DOP1A: variants seen among roughly 807,000 people sequenced by gnomAD.
DOP1A encodes the protein DOP1 leucine zipper like protein A.
A neutral mutation model predicts 267.6 loss-of-function variants in DOP1A; 90 were observed. The observed-to-expected ratio is 0.34, with a 90% CI of 0.28 to 0.40. The LOEUF (loss-of-function observed/expected upper bound fraction) is 0.40. DOP1A is among the 10% of genes least tolerant of loss of function. DOP1A has a pLI of 1.00. For synonymous variants in DOP1A, 932 were observed against 999.1 expected (o/e 0.93, Z 1.27); for missense variants, 2,437 against 2,900.4 (o/e 0.84, Z 3.67).
At chr6:83,137,117 A>T in intron 20 of DOP1A, 56 bp from the exon 21 acceptor site, 1 of 1,430,876 alleles carries the variant, frequency 7.0e-7, no homozygotes. Context: ...TCTACATTTC[A>T]ATTATTTTAA....
chr6:83,153,148 T>C (rs1358743306), intron 30 of DOP1A, among the ~76,000 whole-genome samples: 1 of 130,510 alleles, frequency 7.7e-6, no homozygotes, highest in African/African-American at 3.6e-5. Context: ...CCCAGTTCAA[T>C]TGTTTGTTTT....
chr6:83,084,677 G>A (rs1056190552), intron 1 of DOP1A, among the ~76,000 whole-genome samples: 1 of 152,028 alleles, frequency 6.6e-6, no homozygotes, highest in Non-Finnish European at 1.5e-5. Context: ...CTACCTCCTG[G>A]GTTCAAGCGA....
At chr6:83,098,411 T>G (rs1276482018) in intron 3 of DOP1A, among the ~76,000 whole-genome samples, 1 of 152,194 alleles carries the variant, frequency 6.6e-6, no homozygotes, top group Non-Finnish European at 1.5e-5. Flanking sequence ...TTGGACACTA[T>G]CTACCTGGAG....
intron 1 of DOP1A, among the ~76,000 whole-genome samples, chr6:83,080,063 T>C (rs1767819175): frequency 6.6e-6 from 1 of 152,120 alleles, no homozygotes; most frequent in Admixed American, 6.5e-5. Context: ...CTAGATAATT[T>C]AGATGTTCTT....
At chr6:83,120,599 G>A in intron 9 of DOP1A, 84 bp from the exon 10 acceptor site, 1 of 1,139,078 alleles carries the variant, frequency 8.8e-7, no homozygotes, top group East Asian at 2.6e-5. Context: ...GTTATATATG[G>A]TTGCATTTAA....
chr6:83,135,973 A>T, intron 20 of DOP1A, 95 bp downstream of exon 20: 1 of 1,409,820 alleles, frequency 7.1e-7, no homozygotes, highest in Non-Finnish European at 9.5e-7. Flanking sequence ...ACTGCATGTG[A>T]GATTTTCTCC....
At chr6:83,113,480 T>C in intron 7 of DOP1A, 59 bp downstream of exon 7, 4 of 1,371,770 alleles carry the variant, frequency 2.9e-6, no homozygotes, top group African/African-American at 1.4e-5. Context: ...AGATTGATAA[T>C]GTGTAGTTAT....
At chr6:83,115,622 G>A (rs1013031495) in intron 7 of DOP1A, among the ~76,000 whole-genome samples, 6 of 152,164 alleles carry the variant, frequency 3.9e-5, no homozygotes, top group Non-Finnish European at 8.8e-5. Flanking sequence ...TACTCGGGAG[G>A]CTGAGGCAGG....
chr6:83,141,994 T>C lies in DOP1A; in HGVS notation c.5489T>C (p.Ile1830Thr). Residue 1830 changes from isoleucine (I) to threonine (T), a missense_variant, in exon 24 of 39, where the codon ATT becomes ACT. This residue lies in a region of DOP1A where 307 missense variants were observed against 308.6 expected (regional missense o/e 0.99). Transcript: ENST00000349129. ...MNHGVHFMAA[I>T]AFVWNERRQN... is the part of the protein sequence containing the mutation. ...CATGGTGTTCACTTTATGGCTGCCA[T>C]TGCATTTGTGTGGAATGAAAGAAGA... The C allele has an allele frequency of 1.2e-6, 2 of 1,613,134 alleles. No individual in the cohort carries two copies. The highest frequency in any genetic ancestry group is 1.7e-6 in the Non-Finnish European group (2 of 1,179,620).
At chr6:83,106,181 T>C (rs903888953) in intron 4 of DOP1A, among the ~76,000 whole-genome samples, 1 of 152,224 alleles carries the variant, frequency 6.6e-6, no homozygotes, top group Non-Finnish European at 1.5e-5. Context: ...TAGAATACCA[T>C]ATTGCCTCTT....
intron 38 of DOP1A, chr6:83,165,781 G>T: frequency 3.6e-6 from 1 of 275,020 alleles, no homozygotes; most frequent in Non-Finnish European, 7.4e-6. Flanking sequence ...GCAACGTGCG[G>T]CCCAGTGTTG....
chr6:83,135,514 C>A, intron 19 of DOP1A, 105 bp from the exon 20 acceptor site: 2 of 1,259,026 alleles, frequency 1.6e-6, no homozygotes, highest in South Asian at 1.6e-5. Flanking sequence ...ATGACTACTT[C>A]AAAATAGTTA....
At chr6:83,071,411 T>A (rs1284583362) in intron 1 of DOP1A, among the ~76,000 whole-genome samples, 1 of 152,128 alleles carries the variant, frequency 6.6e-6, no homozygotes. Flanking sequence ...TTCGCCATGT[T>A]GGTCACGCTG....
In DOP1A at chr6:83,152,155, T is replaced by C. The variant is rs2128334737; in HGVS notation, c.6049+128T>C. On this transcript the variant is annotated intron_variant, in intron 29 of 38. Transcript: ENST00000349129. ...CTCATGTCTAACAAGTAACTTTTTT[T>C]CAGTGGGAAAAATATATATATACAT... 12 of 1,048,668 alleles carry C rather than the reference T, an allele frequency of 1.1e-5. No homozygotes were observed. In the South Asian group the frequency reaches 1.7e-4, roughly 15 times the overall value. The allele number at this position is 1,048,668 out of a possible 1,614,324, so 65.0% of individuals were successfully genotyped here.
chr6:83,154,674 G>A (rs1782387573), intron 33 of DOP1A, among the ~76,000 whole-genome samples: 1 of 152,134 alleles, frequency 6.6e-6, no homozygotes, highest in African/African-American at 2.4e-5. Context: ...AATCTCTGGG[G>A]CTCTGTTTAT....
chr6:83,148,681 A>T, intron 26 of DOP1A, 78 bp from the exon 27 acceptor site: 1 of 975,824 alleles, frequency 1.0e-6, no homozygotes, highest in Non-Finnish European at 1.5e-6. Context: ...TTGTCTATAA[A>T]AATTTAGAGA....
chr6:83,160,910 T>C (rs567549003), intron 37 of DOP1A, among the ~76,000 whole-genome samples: 3 of 152,262 alleles, frequency 2.0e-5, no homozygotes, highest in African/African-American at 7.2e-5. Context: ...AACTTAATGG[T>C]AAGAACTAGA....
At chr6:83,132,052 C>G (rs681512) in intron 17 of DOP1A, 124 bp from the exon 18 acceptor site, 259,408 of 1,114,770 alleles carry the variant, frequency 0.23, 31,063 homozygotes, top group Non-Finnish European at 0.24. Context: ...CATCCCCATG[C>G]AGTAGAATAT....
chr6:83,117,439 G>A (rs752417943), intron 7 of DOP1A, among the ~76,000 whole-genome samples: 6 of 151,936 alleles, frequency 3.9e-5, no homozygotes, highest in African/African-American at 9.7e-5. Flanking sequence ...TGTGAGTCAC[G>A]GTGCCCGGCC....
Sources: allele counts gnomAD v4.1 joint callset (sites outside exome capture counted in the v4.1 genomes callset), GRCh38; gene constraint gnomAD v4.1.1; regional missense constraint gnomAD v4.1.1; transcripts MANE v1.5; gene names NCBI Gene and HGNC (gene_info 2026-07-23, HGNC 2026-07-21).